Variants in TTC29 observed in about 807,000 individuals in gnomAD.
TTC29 encodes tetratricopeptide repeat domain 29, also known as tetratricopeptide repeat protein 29.
A neutral mutation model predicts 58.1 loss-of-function variants in TTC29; 49 were observed. That is an observed-to-expected ratio of 0.84 (90% confidence interval 0.67 to 1.07). The LOEUF (loss-of-function observed/expected upper bound fraction) is 1.07, where lower values mean the gene tolerates loss of function less well. TTC29 is among the 50% of genes least tolerant of loss of function. TTC29 has a pLI of 0.00. For synonymous variants in TTC29, 209 were observed against 196.8 expected (o/e 1.06, Z -0.52); for missense variants, 582 against 555.6 (o/e 1.05, Z -0.48).
Position 146,803,643 on chromosome 4 carries a change from C to T in TTC29, c.1144G>A (p.Asp382Asn). ...ATGCTCATTAGCTCTACTGTTGTGT[C>T]AAAAGCTTGCTGAAAGCATTCAGAA... The part of the protein sequence containing the change: ...KASECFQQAF[D>N]TTVELMSMPL... Residue 382 changes from aspartate (D) to asparagine (N), a missense_variant, in exon 11 of 13, where the codon GAC becomes AAC. Physicochemically the swap from Asp to Asn is conservative, Grantham distance 23. Transcript: ENST00000325106. 1 of 1,602,100 alleles carries T rather than the reference C, an allele frequency of 6.2e-7. No individual in the cohort carries two copies. Among genetic ancestry groups the T allele is most frequent in the Non-Finnish European group, 8.5e-7 (1 of 1,171,938 alleles).
chr4:146,903,300 C>T (rs371361116), intron 6 of TTC29, among the ~76,000 whole-genome samples: 53 of 151,986 alleles, frequency 3.5e-4, no homozygotes, highest in African/African-American at 1.2e-3. Flanking sequence ...AGGATGTTAC[C>T]GGGTGGGAAC....
chr4:146,917,047 G>A (rs903837815), intron 4 of TTC29, among the ~76,000 whole-genome samples: 1 of 150,928 alleles, frequency 6.6e-6, no homozygotes, highest in Non-Finnish European at 1.5e-5. Context: ...TTTAAATTAT[G>A]ATGGATTCTC....
chr4:146,737,731 AT>A (rs1205450798), intron 11 of TTC29, among the ~76,000 whole-genome samples: 2 of 152,298 alleles, frequency 1.3e-5, no homozygotes, highest in African/African-American at 2.4e-5. Context: ...TTGGATGGCC[AT>A]CGTTTCTTCA....
chr4:146,840,032 GCAGTAAGATAATT>G (rs966295279), intron 8 of TTC29, among the ~76,000 whole-genome samples: 7 of 152,040 alleles, frequency 4.6e-5, no homozygotes, highest in Non-Finnish European at 8.8e-5. Flanking sequence ...TTAATAAAGT[GCAGTAAGATAATT>G]CAGACAGTGT....
chr4:146,780,302 G>GGTGTGTGTGTGTGTGTGTGT (rs57951745), intron 11 of TTC29, among the ~76,000 whole-genome samples: 1 of 138,456 alleles, frequency 7.2e-6, no homozygotes, highest in Non-Finnish European at 1.6e-5. Flanking sequence ...CCTAACTTGG[G>GGTGTGTGTGTGTGTGTGTGT]GTGTGTGTGT....
At chr4:146,785,571 C>T (rs960161844) in intron 11 of TTC29, among the ~76,000 whole-genome samples, 28 of 152,312 alleles carry the variant, frequency 1.8e-4, no homozygotes, top group Admixed American at 9.8e-4. Flanking sequence ...TCCTTAATGA[C>T]ACCTATTTGA....
At chr4:146,930,104 T>TATATATAC (rs1735223883) in intron 4 of TTC29, among the ~76,000 whole-genome samples, 1 of 129,780 alleles carries the variant, frequency 7.7e-6, no homozygotes, top group African/African-American at 3.1e-5. Context: ...TATATATATA[T>TATATATAC]ATATATATAT....
intron 10 of TTC29, among the ~76,000 whole-genome samples, chr4:146,806,915 C>T (rs1291038147): frequency 6.6e-6 from 1 of 152,130 alleles, no homozygotes; most frequent in East Asian, 1.9e-4. Flanking sequence ...GACTCTCCAC[C>T]CCAAATCAAC....
chr4:146,718,434 T>A (rs1203755002), intron 11 of TTC29, among the ~76,000 whole-genome samples: 1 of 152,168 alleles, frequency 6.6e-6, no homozygotes, highest in Non-Finnish European at 1.5e-5. Context: ...GATATCTCAT[T>A]GTGACTTTAG....
chr4:146,940,595 G>A (rs943722306), intron 2 of TTC29, among the ~76,000 whole-genome samples: 15 of 152,176 alleles, frequency 9.9e-5, no homozygotes, highest in Non-Finnish European at 2.9e-5. Context: ...CTCAGAAGCT[G>A]TAGTAACCCA....
chr4:146,755,879 A>G (rs1305423121), intron 11 of TTC29, among the ~76,000 whole-genome samples: 1 of 152,124 alleles, frequency 6.6e-6, no homozygotes, highest in Non-Finnish European at 1.5e-5. Flanking sequence ...CTGCAACCCC[A>G]AAAGACTTTT....
At position 146,898,748 on chromosome 4, in the gene TTC29, G is replaced by A. The variant is rs542248915; in HGVS notation, c.586+4796C>T. On this transcript the variant is annotated intron_variant, in intron 6 of 12. Coordinates refer to ENST00000325106, the MANE Select transcript of TTC29 (RefSeq NM_031956.4). ...TCAATATCTAGACTCAAAGCTAATG[G>A]GTTGAAATGGAATGGGCTGCTAATG... is the stretch of plus-strand genomic sequence containing the variant. Among the ~76,000 whole-genome samples the A allele has an allele frequency of 5.8e-4, 88 of 152,286 alleles. No homozygotes were observed. The South Asian group carries it at 0.018, about 31-fold the overall frequency.
rs115439399 is a variant in TTC29 at position 146,903,424 on chromosome 4, A to T, written c.586+120T>A. 1,032 of 896,830 alleles carry T rather than the reference A, an allele frequency of 1.2e-3. 8 individuals are homozygous for T. The African/African-American group carries it at 0.015, about 13-fold the overall frequency. 55.6% of individuals were successfully genotyped at this position (896,830 alleles called of 1,614,324 possible). On this transcript the variant is annotated intron_variant, in intron 6 of 12. Coordinates refer to ENST00000325106, the MANE Select transcript of TTC29 (RefSeq NM_031956.4). Reference sequence around the variant, plus strand: ...CATGGTTTTGCTTTTTGATCTCAATAATATACATGATTATGCTGAAATCTC... The same window carrying T: ...CATGGTTTTGCTTTTTGATCTCAATTATATACATGATTATGCTGAAATCTC...
chr4:146,822,936 T>C (rs1751943678), intron 9 of TTC29, among the ~76,000 whole-genome samples: 1 of 152,214 alleles, frequency 6.6e-6, no homozygotes, highest in Non-Finnish European at 1.5e-5. Context: ...CTTTTTCCAC[T>C]GTTTGATGGG....
intron 4 of TTC29, among the ~76,000 whole-genome samples, chr4:146,934,600 G>A (rs562290541): frequency 5.0e-4 from 76 of 152,238 alleles, no homozygotes; most frequent in Middle Eastern, 3.4e-3. Flanking sequence ...TGTAAGACTG[G>A]GTCCAGGTTG....
intron 4 of TTC29, among the ~76,000 whole-genome samples, chr4:146,931,743 A>T (rs1386482606): frequency 6.6e-6 from 1 of 152,196 alleles, no homozygotes; most frequent in Non-Finnish European, 1.5e-5. Flanking sequence ...GCAAACTCCT[A>T]AAGGACACAA....
intron 11 of TTC29, among the ~76,000 whole-genome samples, chr4:146,724,893 A>G (rs561149780): frequency 2.0e-4 from 31 of 152,324 alleles, no homozygotes; most frequent in African/African-American, 7.5e-4. Context: ...ATGGAGGAAG[A>G]CTTCAGCTAT....
intron 4 of TTC29, chr4:146,934,267 C>T (rs1475288190): frequency 6.6e-6 from 1 of 152,132 alleles, no homozygotes; most frequent in Admixed American, 6.6e-5. Flanking sequence ...AGGAGATGAA[C>T]ACGGGATACA....
rs1731148087 is a variant in TTC29 at position 146,874,793 on chromosome 4, G to A, written c.722C>T (p.Ser241Leu). The A allele has an allele frequency of 1.9e-6, 3 of 1,612,012 alleles. No homozygotes were observed. The highest frequency in any genetic ancestry group is 2.5e-6 in the Non-Finnish European group (3 of 1,179,264). ...TTCTTTATTTTCTAGCATTTTGTCTGAGAGTAATCTGTAAGTCCTCAGGAG... is the reference window on the plus strand; with the variant it reads ...TTCTTTATTTTCTAGCATTTTGTCTAAGAGTAATCTGTAAGTCCTCAGGAG... ...ESLLRTYRLL[S>L]DKMLENKEYK... Residue 241 changes from serine (S) to leucine (L), a missense_variant, in exon 7 of 13, where the codon TCA becomes TTA. Transcript: ENST00000325106.
Sources: allele counts gnomAD v4.1 joint callset (sites outside exome capture counted in the v4.1 genomes callset), GRCh38; gene constraint gnomAD v4.1.1; transcripts MANE v1.5; gene names NCBI Gene and HGNC (gene_info 2026-07-23, HGNC 2026-07-21).